The following MED27 variants were observed in gnomAD, a reference collection of about 807,000 sequenced individuals.
MED27 encodes the protein mediator complex subunit 27, also known as mediator of RNA polymerase II transcription subunit 27.
A neutral mutation model predicts 38.2 loss-of-function variants in MED27; 30 were observed. The ratio of observed to expected loss-of-function variants is 0.79; its 90% CI spans 0.59 to 1.07. The LOEUF (loss-of-function observed/expected upper bound fraction) is 1.07. Among genes scored for constraint, MED27 ranks in the 50% least tolerant of loss-of-function variants. The probability of loss-of-function intolerance (pLI) is 0.00; values close to 1 mark genes in which losing one functional copy is unlikely to be tolerated. For synonymous variants in MED27, 122 were observed against 153.5 expected (o/e 0.79, Z 1.52); for missense variants, 289 against 397.5 (o/e 0.73, Z 2.32).
chr9:132,068,535 G>T (rs1770423339), intron 2 of MED27, among the ~76,000 whole-genome samples: 2 of 152,172 alleles, frequency 1.3e-5, no homozygotes. Context: ...GGAGGCCCGG[G>T]GAGAGGCAGT....
chr9:131,966,214 A>C (rs574092800), intron 3 of MED27, among the ~76,000 whole-genome samples: 2 of 139,806 alleles, frequency 1.4e-5, no homozygotes, highest in East Asian at 2.0e-4. Flanking sequence ...AAAAAAAAAA[A>C]ACAAAACAAA....
At chr9:132,027,497 C>G (rs1042397342) in intron 2 of MED27, among the ~76,000 whole-genome samples, 5 of 152,256 alleles carry the variant, frequency 3.3e-5, no homozygotes, top group African/African-American at 1.2e-4. Flanking sequence ...CGTGTGCACA[C>G]ACCTTTTCAC....
intron 4 of MED27, among the ~76,000 whole-genome samples, chr9:131,918,193 C>G (rs992810736): frequency 2.6e-5 from 4 of 152,178 alleles, no homozygotes; most frequent in African/African-American, 9.7e-5. Context: ...AACCAGAGAT[C>G]TGAATTACGG....
In MED27 at chr9:132,051,070, G is replaced by A. The variant is rs765694306; in HGVS notation, c.348+26372C>T. Among the ~76,000 whole-genome samples, 1 of 152,188 alleles carries A rather than the reference G, an allele frequency of 6.6e-6. No individual in the cohort carries two copies. The highest frequency in any genetic ancestry group is 1.5e-5 in the Non-Finnish European group (1 of 68,024). Reference sequence around the variant, plus strand: ...TTCACCCACACACACTGCAGCGAATGTTCTAATGGATCCATCCTTTTTCAA... The same window carrying A: ...TTCACCCACACACACTGCAGCGAATATTCTAATGGATCCATCCTTTTTCAA... On this transcript the variant is annotated intron_variant, in intron 2 of 7. Transcript: ENST00000292035. This position sits in a 1 kb window ranked among gnomAD's most constrained non-coding sequence, Gnocchi z 4.2.
intron 4 of MED27, among the ~76,000 whole-genome samples, chr9:131,916,453 C>T (rs1398860926): frequency 3.3e-5 from 5 of 152,276 alleles, no homozygotes; most frequent in African/African-American, 4.8e-5. Flanking sequence ...ATCATTTTTG[C>T]GGCACATTAT....
Position 131,884,102 on chromosome 9 carries a change from GA to G in MED27, c.682-4del, listed in dbSNP as rs1283752383. 6 of 1,604,394 alleles carry G rather than the reference GA, an allele frequency of 3.7e-6. No individual in the cohort carries two copies. The East Asian group carries it at 1.3e-4, about 36-fold the overall frequency. ...TTGGATTTGGACCATATATCAAGCT[GA>G]GGGGAAAGGAGAGAAGGATCATCAG... On this transcript the variant is annotated splice_polypyrimidine_tract_variant and splice_region_variant and intron_variant, in intron 5 of 7. Coordinates refer to ENST00000292035, the MANE Select transcript of MED27 (RefSeq NM_004269.4).
chr9:131,932,596 T>A (rs766629459), intron 4 of MED27, among the ~76,000 whole-genome samples: 3 of 150,788 alleles, frequency 2.0e-5, no homozygotes, highest in Non-Finnish European at 4.4e-5. Context: ...CAGACCAATA[T>A]CAAGTAATGA....
intron 3 of MED27, among the ~76,000 whole-genome samples, chr9:131,946,738 C>T (rs1830893623): frequency 6.6e-6 from 1 of 152,194 alleles, no homozygotes; most frequent in Non-Finnish European, 1.5e-5. Context: ...CTCACTCTAT[C>T]TTGGACACTG....
At chr9:131,987,132 G>C (rs1240373420) in intron 3 of MED27, among the ~76,000 whole-genome samples, 1 of 146,860 alleles carries the variant, frequency 6.8e-6, no homozygotes, top group East Asian at 2.1e-4. Flanking sequence ...GGTATTAAAT[G>C]ACAGCTGTGG....
chr9:132,047,672 CCAA>C (rs1421354172), intron 2 of MED27, among the ~76,000 whole-genome samples: 1 of 152,120 alleles, frequency 6.6e-6, no homozygotes, highest in South Asian at 2.1e-4. Flanking sequence ...AACAAAATTT[CCAA>C]CAACAAGAAA....
At chr9:132,061,292 G>A (rs1833690478) in intron 2 of MED27, among the ~76,000 whole-genome samples, 1 of 152,194 alleles carries the variant, frequency 6.6e-6, no homozygotes, top group African/African-American at 2.4e-5. Flanking sequence ...TGAGGGCCAA[G>A]GAGTGGCTAT....
At chr9:131,988,595 A>G (rs1444887784) in intron 3 of MED27, among the ~76,000 whole-genome samples, 1 of 152,238 alleles carries the variant, frequency 6.6e-6, no homozygotes, top group African/African-American at 2.4e-5. Flanking sequence ...ACACAGTAAT[A>G]TAATACATAT....
At chr9:131,954,440 A>G (rs1047566762) in intron 3 of MED27, among the ~76,000 whole-genome samples, 1 of 152,168 alleles carries the variant, frequency 6.6e-6, no homozygotes, top group African/African-American at 2.4e-5. Flanking sequence ...CTAGGAGTCT[A>G]CCTGAGACAG....
chr9:132,003,063 T>A lies in MED27; in HGVS notation c.479+11274A>T, dbSNP rs1219017101. ...GCATGGTGTGAAGTATTAACAATCC[T>A]GAAGCTCTTTGTTATGCAAAGAGAG... On this transcript the variant is annotated intron_variant, in intron 3 of 7. Transcript: ENST00000292035. The surrounding 1 kb of genome is among the most constrained non-coding windows in gnomAD (Gnocchi z 4.2). Among the ~76,000 whole-genome samples, 1 of 152,040 alleles carries A rather than the reference T, an allele frequency of 6.6e-6. No homozygotes were observed. The highest frequency in any genetic ancestry group is 1.5e-5 in the Non-Finnish European group (1 of 68,032).
chr9:131,997,526 C>T lies in MED27; in HGVS notation c.479+16811G>A, dbSNP rs577512408. 6.6e-4 allele frequency among the ~76,000 whole-genome samples: 101 copies of T among 152,202 alleles called. No individual in the cohort carries two copies. Among genetic ancestry groups the T allele is most frequent in the Non-Finnish European group, 1.3e-3 (91 of 68,026 alleles). Reference sequence around the variant, plus strand: ...ATCCCCTGGGTTGACCGAGGCGTTGCCAGCCCTGCACTGTAGGCTGCCATC... The same window carrying T: ...ATCCCCTGGGTTGACCGAGGCGTTGTCAGCCCTGCACTGTAGGCTGCCATC... On this transcript the variant is annotated intron_variant, in intron 3 of 7. Transcript: ENST00000292035. The surrounding 1 kb of genome is among the most constrained non-coding windows in gnomAD (Gnocchi z 4.0).
Position 131,867,843 on chromosome 9 carries a change from G to A in MED27, c.724-4703C>T, listed in dbSNP as rs1159653268. Among the ~76,000 whole-genome samples, 3 of 152,364 alleles carry A rather than the reference G, an allele frequency of 2.0e-5. No individual in the cohort carries two copies. The East Asian group carries it at 5.8e-4, about 29-fold the overall frequency. Reference sequence around the variant, plus strand: ...GTCAGATTCTCATCTAGGAGCTCGGGGAGGGGTGGAGCGTTGGCACTGCCA... The same window carrying A: ...GTCAGATTCTCATCTAGGAGCTCGGAGAGGGGTGGAGCGTTGGCACTGCCA... On this transcript the variant is annotated intron_variant, in intron 6 of 7. Coordinates refer to ENST00000292035, the MANE Select transcript of MED27 (RefSeq NM_004269.4).
intron 2 of MED27, among the ~76,000 whole-genome samples, chr9:132,015,078 C>T (rs76505121): frequency 0.018 from 2,806 of 152,288 alleles, 74 homozygotes; most frequent in African/African-American, 0.064. Flanking sequence ...ACCATGACCA[C>T]GACATGGCTT....
At chr9:131,949,795 A>G (rs1321144456) in intron 3 of MED27, among the ~76,000 whole-genome samples, 1 of 152,134 alleles carries the variant, frequency 6.6e-6, no homozygotes, top group Non-Finnish European at 1.5e-5. Context: ...CAGTTTCTTC[A>G]AGGCAGAAGG....
At chr9:131,910,270 A>C (rs527814581) in intron 4 of MED27, among the ~76,000 whole-genome samples, 18 of 152,314 alleles carry the variant, frequency 1.2e-4, no homozygotes, top group African/African-American at 4.3e-4. Context: ...AATTATAGGA[A>C]TGTATTATGT....
Sources: allele counts gnomAD v4.1 joint callset (sites outside exome capture counted in the v4.1 genomes callset), GRCh38; gene constraint gnomAD v4.1.1; non-coding constraint Gnocchi (gnomAD v3.1); transcripts MANE v1.5; gene names NCBI Gene and HGNC (gene_info 2026-07-23, HGNC 2026-07-21).